CPXM2: variants seen among roughly 807,000 people sequenced by gnomAD.
The protein encoded by CPXM2 is carboxypeptidase X, M14 family member 2.
CPXM2 carries 66 observed loss-of-function variants against 86.1 expected under a neutral mutation model. The observed-to-expected ratio is 0.77, with a 90% CI of 0.63 to 0.94. The LOEUF is 0.94. Among genes scored for constraint, CPXM2 ranks in the 40% least tolerant of loss-of-function variants. The pLI, the probability that CPXM2 is intolerant of heterozygous loss-of-function variation, is 0.00. For missense variants in CPXM2, 948 were observed against 1,026.3 expected (o/e 0.92, Z 1.04); for synonymous variants, 388 against 400.2 (o/e 0.97, Z 0.36).
chr10:123,804,019 T>C (rs926785585), intron 4 of CPXM2, among the ~76,000 whole-genome samples: 4 of 152,172 alleles, frequency 2.6e-5, no homozygotes, highest in African/African-American at 9.7e-5. Flanking sequence ...TATATGGTTA[T>C]TTTCCTATTG....
intron 2 of CPXM2, among the ~76,000 whole-genome samples, chr10:123,874,099 G>A (rs1944939585): frequency 6.6e-6 from 1 of 151,968 alleles, no homozygotes; most frequent in African/African-American, 2.4e-5. Context: ...CTGAGCTCAG[G>A]TGATCTGGCT....
At chr10:123,913,030 C>T (rs1360566510) in intron 2 of CPXM2, among the ~76,000 whole-genome samples, 1 of 152,194 alleles carries the variant, frequency 6.6e-6, no homozygotes, top group Non-Finnish European at 1.5e-5. Flanking sequence ...CTCTACTCTG[C>T]AGAGATGAAG....
chr10:123,803,151 G>A (rs1238822501), intron 4 of CPXM2, among the ~76,000 whole-genome samples: 1 of 22,546 alleles, frequency 4.4e-5, no homozygotes, highest in African/African-American at 1.2e-4. Context: ...TTTTTTTTTT[G>A]AGACAGCGTT....
At chr10:123,874,407 C>T (rs1944946696) in intron 2 of CPXM2, among the ~76,000 whole-genome samples, 1 of 151,970 alleles carries the variant, frequency 6.6e-6, no homozygotes. Flanking sequence ...AAGGCCCTAC[C>T]CCCAAATACC....
At chr10:123,761,781 C>T in intron 11 of CPXM2, 91 bp downstream of exon 11, 1 of 1,314,426 alleles carries the variant, frequency 7.6e-7, no homozygotes, top group Admixed American at 2.2e-5. Context: ...TTAGTGACAA[C>T]AGGACAGTAG....
chr10:123,807,364 GAA>G (rs1452153971), intron 4 of CPXM2, among the ~76,000 whole-genome samples: 1 of 152,162 alleles, frequency 6.6e-6, no homozygotes, highest in Non-Finnish European at 1.5e-5. Context: ...CAGGGTGATA[GAA>G]GAGATACTTG....
At chr10:123,892,370 A>G (rs954047974), upstream of CPXM2, among the ~76,000 whole-genome samples, 12 of 152,140 alleles carry the variant, frequency 7.9e-5, no homozygotes, top group Non-Finnish European at 1.5e-4. Flanking sequence ...GGTCTTGGGA[A>G]AGACAGTGAC....
Position 123,768,147 on chromosome 10 carries a change from G to A in CPXM2, c.1299+379C>T, listed in dbSNP as rs550662159. ...TTACACCTGTAATCCCAGCACTTTGGGAGGCCAAGGCTGGCGGATTACCTT... is the reference window on the plus strand; with the variant it reads ...TTACACCTGTAATCCCAGCACTTTGAGAGGCCAAGGCTGGCGGATTACCTT... On this transcript the variant is annotated intron_variant, in intron 9 of 13. Coordinates refer to ENST00000241305, the MANE Select transcript of CPXM2 (RefSeq NM_198148.3). Among the ~76,000 whole-genome samples, 3 of 152,204 alleles carry A rather than the reference G, an allele frequency of 2.0e-5. No individual in the cohort carries two copies. The East Asian group carries it at 5.8e-4, about 29-fold the overall frequency.
chr10:123,921,276 GAC>G (rs1404912878), intron 2 of CPXM2, among the ~76,000 whole-genome samples: 1 of 135,290 alleles, frequency 7.4e-6, no homozygotes, highest in African/African-American at 2.4e-5. Flanking sequence ...AAGTTCATAA[GAC>G]AATTTTTTTT....
intron 3 of CPXM2, among the ~76,000 whole-genome samples, chr10:123,859,557 C>T (rs1012127607): frequency 6.6e-6 from 1 of 152,210 alleles, no homozygotes; most frequent in African/African-American, 2.4e-5. Context: ...CACCAGGTAC[C>T]CGAGTAGGGT....
upstream of CPXM2, among the ~76,000 whole-genome samples, chr10:123,943,647 G>C (rs1945797470): frequency 6.6e-6 from 1 of 152,224 alleles, no homozygotes; most frequent in Non-Finnish European, 1.5e-5. Context: ...AAGCATCACT[G>C]CTACCTGTAG....
chr10:123,771,628 T>G (rs1208134008), intron 7 of CPXM2, among the ~76,000 whole-genome samples: 1 of 152,218 alleles, frequency 6.6e-6, no homozygotes, highest in East Asian at 1.9e-4. Flanking sequence ...GGTTACAATA[T>G]TTTAGCATGA....
At chr10:123,776,908 T>C (rs1422034015) in intron 7 of CPXM2, 2 of 152,252 alleles carry the variant, frequency 1.3e-5, no homozygotes, top group African/African-American at 4.8e-5. Flanking sequence ...AGTTTTTGTT[T>C]TGTTTTGTTT....
intron 2 of CPXM2, among the ~76,000 whole-genome samples, chr10:123,903,315 G>C (rs932388025): frequency 6.6e-6 from 1 of 152,238 alleles, no homozygotes; most frequent in Non-Finnish European, 1.5e-5. Flanking sequence ...AGTAAATGCT[G>C]GTTGGAGTTG....
At position 123,760,365 on chromosome 10, in the gene CPXM2, G is replaced by A. The variant is rs369844359; in HGVS notation, c.1777+1507C>T. ...CATTAGGAATTCTTCTTGATAGATA[G>A]AGATTTGCATTTTTTTTTATTTCAT... On this transcript the variant is annotated intron_variant, in intron 11 of 13. Transcript: ENST00000241305. Among the ~76,000 whole-genome samples, 4 of 152,266 alleles carry A rather than the reference G, an allele frequency of 2.6e-5. No individual in the cohort carries two copies. The South Asian group carries it at 8.3e-4, about 32-fold the overall frequency.
chr10:123,875,807 C>CTTTTTTCTTTTTTTTTTTTT (rs1554888265), intron 2 of CPXM2, among the ~76,000 whole-genome samples: 1 of 84,676 alleles, frequency 1.2e-5, no homozygotes, highest in Non-Finnish European at 2.4e-5. Context: ...TCTTTTCTTT[C>CTTTTTTCTTTTTTTTTTTTT]TTTTTTTTTT....
intron 2 of CPXM2, among the ~76,000 whole-genome samples, chr10:123,869,422 C>A (rs1188656342): frequency 6.6e-6 from 1 of 152,110 alleles, no homozygotes; most frequent in African/African-American, 2.4e-5. Context: ...AGGATCTAAT[C>A]CTGAGAAGCA....
At chr10:123,803,999 T>G (rs1847523341) in intron 4 of CPXM2, among the ~76,000 whole-genome samples, 1 of 152,182 alleles carries the variant, frequency 6.6e-6, no homozygotes, top group Non-Finnish European at 1.5e-5. Context: ...CCAGCTGACC[T>G]AGAACCATTT....
At chr10:123,869,491 A>T (rs1460941179) in intron 2 of CPXM2, among the ~76,000 whole-genome samples, 2 of 152,242 alleles carry the variant, frequency 1.3e-5, no homozygotes, top group African/African-American at 4.8e-5. Context: ...TATTAATTAG[A>T]AATCAGAGAT....
Sources: allele counts gnomAD v4.1 joint callset (sites outside exome capture counted in the v4.1 genomes callset), GRCh38; gene constraint gnomAD v4.1.1; transcripts MANE v1.5; gene names NCBI Gene and HGNC (gene_info 2026-07-23, HGNC 2026-07-21).